Variants in ZNF23 observed in about 807,000 individuals in gnomAD.
ZNF23 encodes kruppel-like zinc finger factor X31.
In ZNF23, 48 loss-of-function variants were observed where a neutral mutation model predicts 56.2. The ratio of observed to expected loss-of-function variants is 0.85; its 90% CI spans 0.68 to 1.09. The LOEUF (loss-of-function observed/expected upper bound fraction) is 1.09, where lower values mean the gene tolerates loss of function less well. Ranked by LOEUF, ZNF23 falls within the 50% of genes least tolerant of loss-of-function variation. The pLI is 0.00. For missense variants in ZNF23, 805 were observed against 811.4 expected (o/e 0.99, Z 0.10); for synonymous variants, 266 against 283.3 (o/e 0.94, Z 0.61).
chr16:71,454,210 G>C lies in ZNF23; in HGVS notation c.34-42C>G, dbSNP rs762321357. On this transcript the variant is annotated intron_variant, in intron 2 of 4. Transcript: ENST00000647773. ...CTGCTGCCCTAGGGCCAATTCCATA[G>C]CTCAGGCCCTAAGTGAGGGGCAGAG... 1.3e-5 allele frequency: 20 copies of C among 1,594,908 alleles called. No individual in the cohort carries two copies. The South Asian group carries it at 1.5e-4, about 12-fold the overall frequency.
At position 71,450,629 on chromosome 16, in the gene ZNF23, G is replaced by T. The variant is rs1302928664; in HGVS notation, c.269-744C>A. 1.2e-5 allele frequency: 5 copies of T among 421,454 alleles called. No homozygotes were observed. In the East Asian group the frequency reaches 4.2e-4, roughly 36 times the overall value. 26.1% of individuals were successfully genotyped at this position (421,454 alleles called of 1,614,324 possible). On this transcript the variant is annotated intron_variant, in intron 4 of 4. Transcript: ENST00000647773. ...AGCTACTCGGGAGGATGAGGCAGGA[G>T]AATTGCTCGAACCCGGGAAACGGAA...
At chr16:71,454,794 C>T (rs191374536) in intron 2 of ZNF23, among the ~76,000 whole-genome samples, 2 of 152,342 alleles carry the variant, frequency 1.3e-5, no homozygotes, top group African/African-American at 2.4e-5. Flanking sequence ...CCAACTTCTC[C>T]GAAAGCTTCA....
intron 4 of ZNF23, chr16:71,452,239 T>C (rs962484903): frequency 6.6e-6 from 1 of 152,196 alleles, no homozygotes; most frequent in Admixed American, 6.5e-5. Context: ...GCAAACTCCA[T>C]TTCCAAAACA....
intron 1 of ZNF23, 27 bp from the exon 2 acceptor site, chr16:71,456,855 G>C: frequency 3.1e-6 from 3 of 955,462 alleles, no homozygotes; most frequent in Non-Finnish European, 3.7e-6. Context: ...AGAGAGACAA[G>C]TGTGAGGCAA....
intron 2 of ZNF23, among the ~76,000 whole-genome samples, chr16:71,455,497 T>C (rs921800829): frequency 3.9e-5 from 6 of 152,046 alleles, no homozygotes; most frequent in African/African-American, 9.7e-5. Flanking sequence ...GCTGGGACTA[T>C]AGGCATGCAC....
intron 1 of ZNF23, among the ~76,000 whole-genome samples, chr16:71,457,165 C>T (rs1386889836): frequency 1.3e-5 from 2 of 152,176 alleles, no homozygotes; most frequent in African/African-American, 2.4e-5. Flanking sequence ...CACGGTGGCT[C>T]GTGCCTATAA....
At chr16:71,455,473 C>A (rs2043197134) in intron 2 of ZNF23, among the ~76,000 whole-genome samples, 1 of 152,174 alleles carries the variant, frequency 6.6e-6, no homozygotes. Flanking sequence ...TCTCCTGCCT[C>A]AGCCTCCTGA....
intron 4 of ZNF23, chr16:71,451,974 C>T (rs1415389005): frequency 6.6e-6 from 1 of 152,184 alleles, no homozygotes; most frequent in Non-Finnish European, 1.5e-5. Flanking sequence ...AAAAGAAAGT[C>T]AACACTGCTG....
chr16:71,449,639 T>TA lies in ZNF23; in HGVS notation c.514dup (p.Tyr172LeufsTer24), dbSNP rs1157531332. On this transcript the variant is annotated frameshift_variant, in exon 5 of 5. Transcript: ENST00000647773. LOFTEE classifies it high-confidence loss of function. ...CTCTCCAGTGATGGTATGACACTGA[T>TA]ATGAGTTTGAACTTTGACTAAAAAA... The TA allele has an allele frequency of 1.2e-6, 2 of 1,614,012 alleles. No individual in the cohort carries two copies. The highest frequency in any genetic ancestry group is 1.7e-6 in the Non-Finnish European group (2 of 1,180,028).
chr16:71,454,158 G>T lies in ZNF23; in HGVS notation c.44C>A (p.Thr15Asn). Reference sequence around the variant, plus strand: ...GAAGTACACAGCCACGTCCTCAAAGGTCACCGACTTCTGAAACAATAGGTT... The same window carrying T: ...GAAGTACACAGCCACGTCCTCAAAGTTCACCGACTTCTGAAACAATAGGTT... Reference protein sequence around the residue: ...HLTAWPQKSVTFEDVAVYFTQ... With the variant: ...HLTAWPQKSVNFEDVAVYFTQ... Residue 15 changes from threonine to asparagine, a missense_variant, in exon 3 of 5, where the codon ACC (threonine) becomes AAC (asparagine). By Grantham distance (65) the Thr-to-Asn change is moderately conservative (BLOSUM62 0). Transcript: ENST00000647773. 6.2e-7 allele frequency: 1 copy of T among 1,613,284 alleles called. No individual in the cohort carries two copies. Among genetic ancestry groups the T allele is most frequent in the Non-Finnish European group, 8.5e-7 (1 of 1,179,734 alleles).
At chr16:71,456,639 C>G (rs2043243537) in intron 2 of ZNF23, 125 bp downstream of exon 2, 1 of 963,224 alleles carries the variant, frequency 1.0e-6, no homozygotes, top group South Asian at 4.8e-5. Flanking sequence ...CACAACACCT[C>G]TTTCCCACAA....
At chr16:71,459,285 A>G (rs1299741773) in intron 1 of ZNF23, among the ~76,000 whole-genome samples, 1 of 152,168 alleles carries the variant, frequency 6.6e-6, no homozygotes, top group East Asian at 1.9e-4. Context: ...CCAATGGATA[A>G]ATGTTTTCCC....
chr16:71,455,946 A>G (rs1017890767), intron 2 of ZNF23: 4 of 448,004 alleles, frequency 8.9e-6, no homozygotes, highest in South Asian at 1.6e-5. Context: ...TGGAAAGAGT[A>G]CAACACAGCA....
intron 1 of ZNF23, among the ~76,000 whole-genome samples, chr16:71,459,420 T>C (rs1442644207): frequency 6.6e-6 from 1 of 152,232 alleles, no homozygotes. Flanking sequence ...TCTGTTTCAC[T>C]CCCCTTGTCT....
At chr16:71,455,114 C>A (rs1441061646) in intron 2 of ZNF23, among the ~76,000 whole-genome samples, 1 of 152,234 alleles carries the variant, frequency 6.6e-6, no homozygotes, top group East Asian at 1.9e-4. Flanking sequence ...TCTAGTCCAA[C>A]CTTTAGGTGT....
intron 1 of ZNF23, among the ~76,000 whole-genome samples, chr16:71,460,219 T>G (rs2043391596): frequency 6.6e-6 from 1 of 152,200 alleles, no homozygotes; most frequent in South Asian, 2.1e-4. Flanking sequence ...CCTGCTGCCA[T>G]CCAGGAGTAA....
chr16:71,454,485 A>T (rs934427555), intron 2 of ZNF23, among the ~76,000 whole-genome samples: 3 of 152,146 alleles, frequency 2.0e-5, no homozygotes, highest in African/African-American at 7.2e-5. Context: ...GCTCCCTCCC[A>T]GCAAACTCGG....
At chr16:71,453,186 G>A in intron 4 of ZNF23, 57 bp downstream of exon 4, 1 of 1,293,004 alleles carries the variant, frequency 7.7e-7, no homozygotes, top group Non-Finnish European at 1.1e-6. Flanking sequence ...TGCTAAAGCT[G>A]GCTTTATGCC....
At position 71,448,434 on chromosome 16, in the gene ZNF23, G is replaced by T; in HGVS notation, c.1720C>A (p.Pro574Thr). The T allele has an allele frequency of 6.2e-7, 1 of 1,614,188 alleles. No individual in the cohort carries two copies. The highest frequency in any genetic ancestry group is 1.1e-5 in the South Asian group (1 of 91,066). ...TTCTCACATTCCATACATTTGAAAG[G>T]TTTCTCCCCAGTATGTATCCTCTGA... Reference protein sequence around the residue: ...RHQRIHTGEKPFKCMECEKAF... With the variant: ...RHQRIHTGEKTFKCMECEKAF... Residue 574 changes from proline (P) to threonine (T), a missense_variant, in exon 5 of 5, where the codon CCT (proline) becomes ACT (threonine). Coordinates refer to ENST00000647773, the MANE Select transcript of ZNF23 (RefSeq NM_001381984.1).
Sources: gnomAD v4.1 joint callset for allele counts (sites outside exome capture counted in the v4.1 genomes callset) on GRCh38, gnomAD v4.1.1 for gene constraint, MANE v1.5 for transcripts, NCBI Gene and HGNC (gene_info 2026-07-23, HGNC 2026-07-21) for gene names.